BCAP29: variants seen among roughly 807,000 people sequenced by gnomAD.
BCAP29 encodes the protein B-cell receptor-associated protein 29.
BCAP29 carries 34 observed loss-of-function variants against 31.8 expected under a neutral mutation model. The observed-to-expected ratio is 1.07, with a 90% CI of 0.81 to 1.42. BCAP29 has a LOEUF of 1.42. BCAP29 is among the 40% of genes most tolerant of loss of function. The pLI is 0.00. For synonymous variants in BCAP29, 104 were observed against 91.3 expected, an observed-to-expected ratio of 1.14 and a Z score of -0.79; for missense variants, 314 against 269.2, an observed-to-expected ratio of 1.17 and a Z score of -1.16.
intron 3 of BCAP29, chr7:107,587,769 C>A (rs1192336289): frequency 6.6e-6 from 1 of 151,194 alleles, no homozygotes; most frequent in Non-Finnish European, 1.5e-5. Flanking sequence ...AAAATTTAAG[C>A]AGACTAATTT....
chr7:107,594,050 CT>C lies in BCAP29; in HGVS notation c.294del (p.Phe98LeufsTer18). The C allele has an allele frequency of 1.2e-6, 2 of 1,613,714 alleles. No individual in the cohort carries two copies. The highest frequency in any genetic ancestry group is 2.2e-5 in the South Asian group (2 of 91,068). ...TGCCTATGAACACACACAGATGAAA[CT>C]TTTTAGGTCTCAAAGAAATCTTTAC... ...PDAYEHTQMK[L>X]FRSQRNLYIS... On this transcript the variant is annotated frameshift_variant, in exon 4 of 8. Transcript: ENST00000005259. LOFTEE classifies it high-confidence loss of function.
At chr7:107,601,025 A>T (rs1310333887) in intron 6 of BCAP29, among the ~76,000 whole-genome samples, 1 of 152,150 alleles carries the variant, frequency 6.6e-6, no homozygotes, top group Non-Finnish European at 1.5e-5. Flanking sequence ...CCCACATAAC[A>T]TTGCAGTGTA....
Position 107,619,511 on chromosome 7 carries a change from T to A in BCAP29, c.*1148T>A, listed in dbSNP as rs575580977. 52 of 152,252 alleles carry A rather than the reference T, an allele frequency of 3.4e-4. No individual in the cohort carries two copies. Among genetic ancestry groups the A allele is most frequent in the African/African-American group, 1.3e-3 (52 of 41,556 alleles). 9.4% of individuals were successfully genotyped at this position (152,252 alleles called of 1,614,324 possible). A position where few individuals can be genotyped will look rare whatever the true frequency, so the allele number is the denominator to read the frequency against. On this transcript the variant is annotated 3_prime_UTR_variant, in exon 8 of 8. Transcript: ENST00000005259. ...TGTTTATTATAATTTTAGCACCAAC[T>A]TCACACCTAGCTAATTTTTTTCATC... is the stretch of plus-strand genomic sequence containing the variant.
chr7:107,581,639 G>A (rs941743854), intron 2 of BCAP29, among the ~76,000 whole-genome samples: 3 of 152,182 alleles, frequency 2.0e-5, no homozygotes, highest in Admixed American at 6.5e-5. Context: ...TGGCATAAAA[G>A]AAAGTATTTC....
chr7:107,588,227 AT>A (rs1808063774), intron 3 of BCAP29, among the ~76,000 whole-genome samples: 1 of 152,202 alleles, frequency 6.6e-6, no homozygotes, highest in Non-Finnish European at 1.5e-5. Context: ...AGGAATAGAT[AT>A]GGCATACAAA....
chr7:107,582,954 C>T (rs1392618568), intron 2 of BCAP29, among the ~76,000 whole-genome samples: 1 of 152,078 alleles, frequency 6.6e-6, no homozygotes, highest in Non-Finnish European at 1.5e-5. Context: ...GAATCTCCCT[C>T]AACCCACCAA....
chr7:107,595,457 A>G (rs149826375), intron 4 of BCAP29, among the ~76,000 whole-genome samples: 264 of 152,320 alleles, frequency 1.7e-3, no homozygotes, highest in African/African-American at 6.0e-3. Context: ...GCAGTTACAC[A>G]TAAACGGATG....
At chr7:107,613,855 C>A (rs1385515707) in intron 7 of BCAP29, 4 of 649,802 alleles carry the variant, frequency 6.2e-6, no homozygotes, top group East Asian at 2.9e-5. Context: ...CTTTAGCATT[C>A]AAATTTATCA....
At chr7:107,598,597 G>A (rs1043319220) in intron 5 of BCAP29, among the ~76,000 whole-genome samples, 33 of 151,994 alleles carry the variant, frequency 2.2e-4, no homozygotes, top group Admixed American at 2.2e-3. Context: ...ATCTCTTACA[G>A]CACCTTACAT....
chr7:107,615,142 T>C, intron 7 of BCAP29: 2 of 449,164 alleles, frequency 4.5e-6, no homozygotes, highest in South Asian at 3.1e-5. Flanking sequence ...TTGTTGAATG[T>C]CTCCATTGTT....
At chr7:107,599,399 A>G (rs1233639497) in intron 5 of BCAP29, among the ~76,000 whole-genome samples, 1 of 143,972 alleles carries the variant, frequency 6.9e-6, no homozygotes, top group Non-Finnish European at 1.5e-5. Context: ...ACACGCCTAT[A>G]GTCTCAGCTA....
intron 3 of BCAP29, among the ~76,000 whole-genome samples, chr7:107,588,907 A>G (rs998161907): frequency 1.3e-5 from 2 of 152,204 alleles, no homozygotes; most frequent in African/African-American, 4.8e-5. Flanking sequence ...AAAAAGCAGC[A>G]AGGCTGAGAA....
At chr7:107,580,625 G>A (rs1200851800) in intron 1 of BCAP29, 134 bp from the exon 2 acceptor site, 1 of 613,142 alleles carries the variant, frequency 1.6e-6, no homozygotes, top group African/African-American at 2.0e-5. Context: ...TCCTGACCGG[G>A]GTCCGTGCTT....
At chr7:107,580,512 C>G in intron 1 of BCAP29, 1 of 414,558 alleles carries the variant, frequency 2.4e-6, no homozygotes, top group Non-Finnish European at 4.3e-6. Flanking sequence ...CTTCTGTCGC[C>G]GCGAAGCTGG....
intron 7 of BCAP29, chr7:107,615,526 GC>G: frequency 3.1e-6 from 1 of 317,758 alleles, no homozygotes; most frequent in Non-Finnish European, 6.3e-6. Flanking sequence ...AACCTGGGAG[GC>G]AGAGGTTGCA....
intron 5 of BCAP29, 153 bp from the exon 6 acceptor site, chr7:107,600,244 A>G (rs758344528): frequency 4.8e-4 from 320 of 671,572 alleles, no homozygotes; most frequent in Non-Finnish European, 7.4e-4. Flanking sequence ...TCTGTTAGCA[A>G]AAGTACATTG....
At chr7:107,614,877 G>A (rs1348777488) in intron 7 of BCAP29, among the ~76,000 whole-genome samples, 1 of 152,184 alleles carries the variant, frequency 6.6e-6, no homozygotes, top group African/African-American at 2.4e-5. Context: ...TGACCTCATT[G>A]GGGCATGATA....
chr7:107,586,563 A>G (rs538932481), intron 3 of BCAP29, among the ~76,000 whole-genome samples: 1 of 152,160 alleles, frequency 6.6e-6, no homozygotes, highest in South Asian at 2.1e-4. Flanking sequence ...AACATATGTA[A>G]AGTGCAGAGT....
downstream of BCAP29, chr7:107,622,068 T>C (rs1252129237): frequency 4.9e-5 from 21 of 430,870 alleles, no homozygotes; most frequent in East Asian, 1.2e-3. Flanking sequence ...ACTTTTCTCC[T>C]TCAACTGTAT....
Sources: allele counts gnomAD v4.1 joint callset (sites outside exome capture counted in the v4.1 genomes callset), GRCh38; gene constraint gnomAD v4.1.1; transcripts MANE v1.5; gene names NCBI Gene and HGNC (gene_info 2026-07-23, HGNC 2026-07-21).